Variants in ASCC3 observed in about 807,000 individuals in gnomAD.
The protein encoded by ASCC3 is activating signal cointegrator 1 complex subunit 3.
A neutral mutation model predicts 256.3 loss-of-function variants in ASCC3; 158 were observed. The ratio of observed to expected loss-of-function variants is 0.62; its 90% CI spans 0.54 to 0.70. The LOEUF (loss-of-function observed/expected upper bound fraction) is 0.70. Ranked by LOEUF, ASCC3 falls within the 30% of genes least tolerant of loss-of-function variation. The probability of loss-of-function intolerance (pLI) is 0.00; values close to 1 mark genes in which losing one functional copy is unlikely to be tolerated. For synonymous variants in ASCC3, 948 were observed against 883.4 expected, an observed-to-expected ratio of 1.07 and a Z score of -1.30; for missense variants, 2,259 against 2,626.0, an observed-to-expected ratio of 0.86 and a Z score of 3.05.
At chr6:100,781,037 C>T (rs977671345) in intron 8 of ASCC3, among the ~76,000 whole-genome samples, 1 of 152,136 alleles carries the variant, frequency 6.6e-6, no homozygotes, top group Non-Finnish European at 1.5e-5. Flanking sequence ...TTTTCAACTT[C>T]ATCTCTCTAA....
chr6:100,740,331 T>A (rs1370503318), intron 10 of ASCC3, among the ~76,000 whole-genome samples: 5 of 152,224 alleles, frequency 3.3e-5, no homozygotes, highest in Non-Finnish European at 5.9e-5. Flanking sequence ...ACGCATTTGT[T>A]GAGGAGTGTT....
intron 10 of ASCC3, among the ~76,000 whole-genome samples, chr6:100,760,398 A>G (rs1247679364): frequency 2.0e-5 from 3 of 152,162 alleles, no homozygotes; most frequent in African/African-American, 2.4e-5. Flanking sequence ...TTCTGCATCT[A>G]TTGAGATAAT....
chr6:100,672,353 C>T (rs1776796546), intron 14 of ASCC3, among the ~76,000 whole-genome samples: 1 of 151,946 alleles, frequency 6.6e-6, no homozygotes. Context: ...TCTGGTCTTA[C>T]CTCCTTCTAG....
At chr6:100,666,474 C>T (rs970970941) in intron 14 of ASCC3, among the ~76,000 whole-genome samples, 1 of 152,140 alleles carries the variant, frequency 6.6e-6, no homozygotes, top group Admixed American at 6.5e-5. Context: ...CCCATACTTG[C>T]CAGCTTCCCA....
chr6:100,558,662 T>C (rs1396986466), intron 36 of ASCC3, among the ~76,000 whole-genome samples: 1 of 152,182 alleles, frequency 6.6e-6, no homozygotes, highest in African/African-American at 2.4e-5. Flanking sequence ...GACAGATAGC[T>C]GACAACAAGA....
At chr6:100,799,753 T>C (rs1383003176) in intron 6 of ASCC3, among the ~76,000 whole-genome samples, 181 bp from the exon 7 acceptor site, 1 of 152,084 alleles carries the variant, frequency 6.6e-6, no homozygotes, top group Non-Finnish European at 1.5e-5. Context: ...TAGGATTCAG[T>C]ACATTTTTAG....
chr6:100,715,267 G>A, intron 13 of ASCC3, 195 bp downstream of exon 13: 1 of 549,962 alleles, frequency 1.8e-6, no homozygotes, highest in Non-Finnish European at 3.2e-6. Flanking sequence ...TCAATACTGG[G>A]ATGATAATAT....
chr6:100,580,040 A>G (rs768516254), intron 36 of ASCC3, among the ~76,000 whole-genome samples: 9 of 151,910 alleles, frequency 5.9e-5, no homozygotes, highest in Non-Finnish European at 1.3e-4. Flanking sequence ...GAGATTTTTT[A>G]TCTCTTTCGT....
intron 30 of ASCC3, among the ~76,000 whole-genome samples, chr6:100,615,798 C>A (rs1384572080): frequency 6.6e-6 from 1 of 152,118 alleles, no homozygotes; most frequent in Non-Finnish European, 1.5e-5. Flanking sequence ...TTCACAAGGC[C>A]CAACTGGTTT....
intron 4 of ASCC3, among the ~76,000 whole-genome samples, chr6:100,838,407 A>G (rs1771982470): frequency 6.6e-6 from 1 of 152,106 alleles, no homozygotes; most frequent in Non-Finnish European, 1.5e-5. Flanking sequence ...ATAGAAAATT[A>G]TTAAGTATTC....
Position 100,642,747 on chromosome 6 carries a change from G to T in ASCC3, c.3735C>A (p.Val1245=). The T allele has an allele frequency of 6.2e-7, 1 of 1,611,492 alleles. No individual in the cohort carries two copies. The highest frequency in any genetic ancestry group is 8.5e-7 in the Non-Finnish European group (1 of 1,177,826). ...CCAGTAGTTGGGCTTCTTTACTAAT[G>T]ACCTAATATGAAATACAGTCAAAAA... ...SEYFLALKKQ[V]ISKEAQLLVF... is the part of the protein sequence containing the mutation. Residue 1245 remains valine (V), a splice_region_variant and synonymous_variant, in exon 24 of 42, where the codon GTC becomes GTA. Transcript: ENST00000369162.
chr6:100,850,412 C>T (rs768803569), intron 3 of ASCC3, among the ~76,000 whole-genome samples: 5 of 152,254 alleles, frequency 3.3e-5, no homozygotes, highest in Middle Eastern at 3.4e-3. Flanking sequence ...ATGAGTACAA[C>T]GTTGAGTACA....
intron 37 of ASCC3, among the ~76,000 whole-genome samples, chr6:100,532,868 T>C (rs1292721546): frequency 6.6e-6 from 1 of 152,136 alleles, no homozygotes; most frequent in Non-Finnish European, 1.5e-5. Context: ...AATTGGTTAT[T>C]AAAAGAAAAA....
At chr6:100,532,430 A>G (rs1389105344) in intron 37 of ASCC3, among the ~76,000 whole-genome samples, 1 of 129,140 alleles carries the variant, frequency 7.7e-6, no homozygotes, top group Non-Finnish European at 1.6e-5. Flanking sequence ...TTTTTTTTAA[A>G]TTACAAAAGC....
chr6:100,838,752 G>T (rs117767641), intron 4 of ASCC3, among the ~76,000 whole-genome samples: 1,924 of 152,104 alleles, frequency 0.013, 20 homozygotes, highest in East Asian at 0.045. Context: ...ACATTTTCAT[G>T]TATATGGCAA....
chr6:100,765,847 G>A (rs4840153), intron 10 of ASCC3, among the ~76,000 whole-genome samples: 85,634 of 152,048 alleles, frequency 0.56, 24,455 homozygotes, highest in East Asian at 0.77. Flanking sequence ...TTAAATCAAC[G>A]TCTGCCCATT....
chr6:100,568,391 GA>G (rs1247699906), intron 36 of ASCC3, among the ~76,000 whole-genome samples: 5 of 150,042 alleles, frequency 3.3e-5, no homozygotes, highest in Non-Finnish European at 7.4e-5. Context: ...AAGCCATTCT[GA>G]CTGGTATGAG....
chr6:100,577,723 C>G (rs531432164), intron 36 of ASCC3, among the ~76,000 whole-genome samples: 16 of 151,350 alleles, frequency 1.1e-4, no homozygotes, highest in Non-Finnish European at 2.1e-4. Flanking sequence ...TGTGTGTGAA[C>G]ACACACACAC....
Position 100,607,068 on chromosome 6 carries a change from T to C in ASCC3, c.4806A>G (p.Thr1602=), listed in dbSNP as rs1772929435. Residue 1602 remains threonine (T), a synonymous_variant, in exon 31 of 42, where the codon ACA becomes ACG. Coordinates refer to ENST00000369162, the MANE Select transcript of ASCC3 (RefSeq NM_006828.4). ...DEREMENIIA[T]VRDSNLKLTL... is the part of the protein sequence containing the mutation. The stretch of plus-strand genomic sequence containing the variant: ...TCAGCTTGAGGTTGGAATCTCTTAC[T>C]GTTGCAATGATGTTCTCCATCTGCA... 2.5e-6 allele frequency: 4 copies of C among 1,613,664 alleles called. No individual in the cohort carries two copies. The highest frequency in any genetic ancestry group is 3.4e-6 in the Non-Finnish European group (4 of 1,179,768).
Sources: gnomAD v4.1 joint callset for allele counts (sites outside exome capture counted in the v4.1 genomes callset) on GRCh38, gnomAD v4.1.1 for gene constraint, MANE v1.5 for transcripts, NCBI Gene and HGNC (gene_info 2026-07-23, HGNC 2026-07-21) for gene names.